CNTLN: variants seen among roughly 807,000 people sequenced by gnomAD.
The protein encoded by CNTLN is centlein, centrosomal protein.
In CNTLN, 212 loss-of-function variants were observed where a neutral mutation model predicts 180.0. The ratio of observed to expected loss-of-function variants is 1.18; its 90% confidence interval spans 1.05 to 1.32. The LOEUF (loss-of-function observed/expected upper bound fraction) is 1.32. Ranked by LOEUF, CNTLN falls within the 40% of genes most tolerant of loss-of-function variation. The pLI is 0.00. For synonymous variants in CNTLN, 722 were observed against 563.1 expected (o/e 1.28, Z -3.99); for missense variants, 2,095 against 1,610.9 (o/e 1.30, Z -5.14).
chr9:17,352,114 A>T (rs957797093), intron 12 of CNTLN, among the ~76,000 whole-genome samples: 1 of 152,160 alleles, frequency 6.6e-6, no homozygotes, highest in Admixed American at 6.5e-5. Flanking sequence ...TTTTACCCCC[A>T]TGTATTATAA....
At chr9:17,186,665 G>C (rs952984092) in intron 2 of CNTLN, among the ~76,000 whole-genome samples, 1 of 151,958 alleles carries the variant, frequency 6.6e-6, no homozygotes, top group Non-Finnish European at 1.5e-5. Context: ...CTAATCATGT[G>C]TATATATTTA....
chr9:17,262,249 C>G (rs1230278912), intron 5 of CNTLN, among the ~76,000 whole-genome samples: 1 of 151,522 alleles, frequency 6.6e-6, no homozygotes, highest in African/African-American at 2.4e-5. Flanking sequence ...GGTTATAAAT[C>G]ATTCTACTAT....
intron 7 of CNTLN, chr9:17,298,896 A>G: frequency 1.0e-6 from 1 of 985,372 alleles, no homozygotes; most frequent in Non-Finnish European, 1.2e-6. Flanking sequence ...TTACCCAAGT[A>G]TTTAGGTGTG....
chr9:17,445,801 A>G (rs1830377446), intron 18 of CNTLN, among the ~76,000 whole-genome samples: 1 of 152,112 alleles, frequency 6.6e-6, no homozygotes, highest in Admixed American at 6.5e-5. Flanking sequence ...GCTGAGGAGG[A>G]TTAGTAAAAG....
chr9:17,460,361 T>C (rs189646109), intron 19 of CNTLN, among the ~76,000 whole-genome samples: 1 of 151,826 alleles, frequency 6.6e-6, no homozygotes, highest in South Asian at 2.1e-4. Flanking sequence ...TGTGACATTT[T>C]TGATGTGTGT....
chr9:17,475,652 C>G (rs913469075), intron 23 of CNTLN, among the ~76,000 whole-genome samples: 1 of 151,902 alleles, frequency 6.6e-6, no homozygotes, highest in Non-Finnish European at 1.5e-5. Context: ...GTGGGTGGAT[C>G]ACGAGGTCAG....
intron 6 of CNTLN, among the ~76,000 whole-genome samples, chr9:17,291,166 G>T (rs549835061): frequency 6.6e-6 from 1 of 152,156 alleles, no homozygotes; most frequent in South Asian, 2.1e-4. Flanking sequence ...TTTTCTGAGA[G>T]ACTGTTATGA....
At chr9:17,359,711 C>T (rs1823147825) in intron 12 of CNTLN, among the ~76,000 whole-genome samples, 1 of 36,558 alleles carries the variant, frequency 2.7e-5, no homozygotes, top group Non-Finnish European at 5.9e-5. Context: ...GAAACTCCGT[C>T]TATACTAAAA....
rs552916072 is a variant in CNTLN at position 17,195,985 on chromosome 9, G to A, written c.450-30218G>A. ...AAAATGATAGTAAAGATGGTTAGGA[G>A]CACAGAATTAAAAGTCATATAGATC... On this transcript the variant is annotated intron_variant, in intron 2 of 25. Transcript: ENST00000380647. Among the ~76,000 whole-genome samples, 44 of 152,214 alleles carry A rather than the reference G, an allele frequency of 2.9e-4. No homozygotes were observed. The South Asian group carries it at 9.1e-3, about 32-fold the overall frequency.
At chr9:17,294,484 A>G (rs1354042677) in intron 6 of CNTLN, among the ~76,000 whole-genome samples, 2 of 151,720 alleles carry the variant, frequency 1.3e-5, no homozygotes, top group Non-Finnish European at 2.9e-5. Flanking sequence ...ACCCTGAGGT[A>G]GACACACGGT....
chr9:17,347,967 G>C (rs1483150835), intron 12 of CNTLN, among the ~76,000 whole-genome samples: 1 of 152,002 alleles, frequency 6.6e-6, no homozygotes, highest in Non-Finnish European at 1.5e-5. Flanking sequence ...GAGTAGCTGG[G>C]GCTATAGATG....
rs547215310 is a variant in CNTLN at position 17,251,944 on chromosome 9, C to T, written c.849+15356C>T. On this transcript the variant is annotated intron_variant, in intron 5 of 25. Coordinates refer to ENST00000380647, the MANE Select transcript of CNTLN (RefSeq NM_017738.4). ...TCTATCACTGTATTCCCAAGCACCA[C>T]GAGATAAGGTTTTTAGCTTACAGAT... 9.2e-5 allele frequency among the ~76,000 whole-genome samples: 14 copies of T among 151,846 alleles called. No individual in the cohort carries two copies. In the East Asian group the frequency reaches 1.4e-3, roughly 15 times the overall value.
At position 17,377,797 on chromosome 9, in the gene CNTLN, CT is replaced by C. The variant is rs1439724677; in HGVS notation, c.1988-10364del. On this transcript the variant is annotated intron_variant, in intron 13 of 25. Coordinates refer to ENST00000380647, the MANE Select transcript of CNTLN (RefSeq NM_017738.4). ...AGGTGTCTGAATTCCCCAACCTCCC[CT>C]GTATCACCCCTGCTGTGGATGTCAC... Among the ~76,000 whole-genome samples the C allele has an allele frequency of 2.0e-5, 3 of 152,200 alleles. No individual in the cohort carries two copies. In the East Asian group the frequency reaches 5.8e-4, roughly 29 times the overall value.
intron 5 of CNTLN, among the ~76,000 whole-genome samples, chr9:17,254,887 A>G (rs887933893): frequency 5.9e-5 from 9 of 151,714 alleles, no homozygotes; most frequent in Non-Finnish European, 1.2e-4. Flanking sequence ...CGTTTTTTAC[A>G]TCTTAACAAC....
Position 17,503,157 on chromosome 9 carries a change from G to C in CNTLN, c.*505G>C, listed in dbSNP as rs577192941. On this transcript the variant is annotated 3_prime_UTR_variant, in exon 26 of 26. Transcript: ENST00000380647. ...TTGAAATAAATTGTGTGGTCCAATTGAATCTGTTCTCATTGATGTGCTGGT... is the reference window on the plus strand; with the variant it reads ...TTGAAATAAATTGTGTGGTCCAATTCAATCTGTTCTCATTGATGTGCTGGT... 6.6e-6 allele frequency: 1 copy of C among 152,382 alleles called. No individual in the cohort carries two copies. Among genetic ancestry groups the C allele is most frequent in the African/African-American group, 2.4e-5 (1 of 41,580 alleles). The allele number at this position is 152,382 out of a possible 1,614,324, so 9.4% of individuals were successfully genotyped here.
intron 15 of CNTLN, among the ~76,000 whole-genome samples, chr9:17,401,547 A>AT (rs750274025): frequency 5.3e-5 from 8 of 151,638 alleles, no homozygotes; most frequent in Non-Finnish European, 8.8e-5. Flanking sequence ...AATTTTTCAA[A>AT]TTTTTTGTAG....
At chr9:17,285,093 C>T (rs534858639) in intron 6 of CNTLN, among the ~76,000 whole-genome samples, 418 of 150,016 alleles carry the variant, frequency 2.8e-3, no homozygotes, top group African/African-American at 9.4e-3. Context: ...CATGCTGGTG[C>T]GCTGCACCCA....
chr9:17,202,565 A>G (rs1028900730), intron 2 of CNTLN, among the ~76,000 whole-genome samples: 2 of 149,974 alleles, frequency 1.3e-5, no homozygotes, highest in African/African-American at 2.5e-5. Context: ...TCCCTTTGCC[A>G]TTATGTAATG....
At chr9:17,234,903 T>C (rs913912463) in intron 3 of CNTLN, among the ~76,000 whole-genome samples, 28 of 152,160 alleles carry the variant, frequency 1.8e-4, no homozygotes, top group Admixed American at 1.8e-3. Context: ...TTTGAGATAG[T>C]AGACAATCCA....
Sources: gnomAD v4.1 joint callset for allele counts (sites outside exome capture counted in the v4.1 genomes callset) on GRCh38, gnomAD v4.1.1 for gene constraint, MANE v1.5 for transcripts, NCBI Gene and HGNC (gene_info 2026-07-23, HGNC 2026-07-21) for gene names.